The following TFPI variants were observed in gnomAD, a reference collection of about 807,000 sequenced individuals.
TFPI encodes tissue factor pathway inhibitor, also known as anti-convertin.
Under a neutral mutation model 34.6 loss-of-function variants are expected in TFPI, and 15 were observed. The observed-to-expected ratio is 0.43, with a 90% confidence interval of 0.29 to 0.67. The LOEUF (loss-of-function observed/expected upper bound fraction) is 0.67. TFPI is among the 30% of genes least tolerant of loss of function. TFPI has a pLI of 0.15. For missense variants in TFPI, 301 were observed against 364.0 expected (o/e 0.83, Z 1.41); for synonymous variants, 105 against 120.1 (o/e 0.87, Z 0.82).
Position 187,480,028 on chromosome 2 carries a change from A to G in TFPI, c.628+4096T>C, listed in dbSNP as rs924465896. Among the ~76,000 whole-genome samples the G allele has an allele frequency of 4.6e-5, 7 of 152,200 alleles. No homozygotes were observed. In the East Asian group the frequency reaches 7.7e-4, roughly 17 times the overall value. On this transcript the variant is annotated intron_variant, in intron 6 of 7. Coordinates refer to ENST00000233156, the MANE Select transcript of TFPI (RefSeq NM_006287.6). ...AAACATCTTTTGACCTTGAAGCCCCATGATACTCCTCTGTGACAATAATCT... is the reference window on the plus strand; with the variant it reads ...AAACATCTTTTGACCTTGAAGCCCCGTGATACTCCTCTGTGACAATAATCT...
At chr2:187,534,399 A>G (rs950886213) in intron 1 of TFPI, among the ~76,000 whole-genome samples, 3 of 152,210 alleles carry the variant, frequency 2.0e-5, no homozygotes, top group Non-Finnish European at 4.4e-5. Flanking sequence ...GCCAGAAGAG[A>G]GTGGGGGCCA....
At chr2:187,533,212 TGCTAA>T (rs1379018888) in intron 1 of TFPI, among the ~76,000 whole-genome samples, 1 of 152,196 alleles carries the variant, frequency 6.6e-6, no homozygotes, top group Non-Finnish European at 1.5e-5. Flanking sequence ...GTTCGAGCTC[TGCTAA>T]GAGACAGACT....
At chr2:187,536,022 G>T (rs1438754429) in intron 1 of TFPI, among the ~76,000 whole-genome samples, 2 of 152,048 alleles carry the variant, frequency 1.3e-5, no homozygotes, top group Non-Finnish European at 2.9e-5. Flanking sequence ...AACCTCCCAA[G>T]ACTAAACCAG....
chr2:187,484,379 A>T, intron 5 of TFPI, 163 bp from the exon 6 acceptor site: 1 of 606,120 alleles, frequency 1.6e-6, no homozygotes, highest in Non-Finnish European at 2.8e-6. Context: ...TTGTAAGGTA[A>T]TATTTCCATG....
intron 6 of TFPI, among the ~76,000 whole-genome samples, chr2:187,470,898 T>C (rs1227642456): frequency 1.3e-5 from 2 of 152,238 alleles, no homozygotes; most frequent in African/African-American, 4.8e-5. Context: ...TGCTCCTACT[T>C]GTCCATGACT....
At chr2:187,526,100 GA>G in intron 1 of TFPI, among the ~76,000 whole-genome samples, 1 of 152,196 alleles carries the variant, frequency 6.6e-6, no homozygotes, top group East Asian at 1.9e-4. Context: ...AGCAATCCTT[GA>G]AAACCTCTTG....
chr2:187,477,143 T>C (rs1205654361), intron 6 of TFPI, among the ~76,000 whole-genome samples: 1 of 152,168 alleles, frequency 6.6e-6, no homozygotes, highest in Non-Finnish European at 1.5e-5. Context: ...AAGAAAGGGA[T>C]TAGAAAAGTA....
chr2:187,519,056 T>A (rs1281207169), intron 1 of TFPI: 2 of 152,190 alleles, frequency 1.3e-5, no homozygotes, highest in African/African-American at 4.8e-5. Flanking sequence ...ATCTTTTTTT[T>A]AAGATTTTTA....
rs576834980 is a variant in TFPI at position 187,546,874 on chromosome 2, A to G, written c.-3+7326T>C. ...TTAATTTGTTAGTTAAAATCAATCTATTAATTCATAATGAATGGGATATCT... is the reference window on the plus strand; with the variant it reads ...TTAATTTGTTAGTTAAAATCAATCTGTTAATTCATAATGAATGGGATATCT... On this transcript the variant is annotated intron_variant, in intron 1 of 7. Coordinates refer to ENST00000233156, the MANE Select transcript of TFPI (RefSeq NM_006287.6). The G allele has an allele frequency of 4.6e-5, 7 of 152,362 alleles. No homozygotes were observed. In the East Asian group the frequency reaches 1.3e-3, roughly 29 times the overall value. 9.4% of individuals were successfully genotyped at this position (152,362 alleles called of 1,614,324 possible).
At chr2:187,529,852 C>T (rs892259424) in intron 1 of TFPI, among the ~76,000 whole-genome samples, 2 of 152,180 alleles carry the variant, frequency 1.3e-5, no homozygotes, top group African/African-American at 2.4e-5. Context: ...CTTTGATTCT[C>T]TGTTTCTTGC....
intron 1 of TFPI, among the ~76,000 whole-genome samples, chr2:187,533,185 G>A (rs761013970): frequency 2.0e-5 from 3 of 152,136 alleles, no homozygotes; most frequent in Non-Finnish European, 4.4e-5. Context: ...AGCGAGCAGC[G>A]GATATCCCAG....
chr2:187,510,866 G>A (rs963096631), intron 1 of TFPI, among the ~76,000 whole-genome samples: 1 of 152,210 alleles, frequency 6.6e-6, no homozygotes, highest in African/African-American at 2.4e-5. Context: ...TGAGATGCAA[G>A]TCTGCTGAAA....
chr2:187,546,215 A>G (rs1365526536), intron 1 of TFPI, among the ~76,000 whole-genome samples: 1 of 151,956 alleles, frequency 6.6e-6, no homozygotes, highest in East Asian at 1.9e-4. Context: ...ATAGTTGTCC[A>G]TAACTACTAA....
intron 3 of TFPI, among the ~76,000 whole-genome samples, chr2:187,494,041 A>T (rs1685296758): frequency 6.6e-6 from 1 of 152,158 alleles, no homozygotes; most frequent in Non-Finnish European, 1.5e-5. Flanking sequence ...GTACCAATTT[A>T]CTGTGAGCAA....
rs940296536 is a variant in TFPI, at chr2:187,485,204, T to A, written c.359-217A>T. 2.0e-5 allele frequency among the ~76,000 whole-genome samples: 3 copies of A among 151,948 alleles called. No homozygotes were observed. In the South Asian group the frequency reaches 6.2e-4, roughly 31 times the overall value. On this transcript the variant is annotated intron_variant, in intron 4 of 7. Transcript: ENST00000233156. ...TTCTAAATTTCTCATAGTAAATTAA[T>A]AGGGAATTAACTGTCATTTTTTTAC...
rs544727831 is a variant in TFPI, at chr2:187,497,289, A to G, written c.122-211T>C. ...ACTTCTAGACTCTTGTTAGGGAGGT[A>G]TTGCTTAAATCGTACCAACCGAACT... On this transcript the variant is annotated intron_variant, in intron 2 of 7. Transcript: ENST00000233156. Among the ~76,000 whole-genome samples the G allele has an allele frequency of 2.0e-5, 3 of 152,174 alleles. 1 individual carries two copies. In the South Asian group the frequency reaches 6.2e-4, roughly 32 times the overall value.
chr2:187,483,546 C>T (rs1693036329), intron 6 of TFPI, among the ~76,000 whole-genome samples: 1 of 151,908 alleles, frequency 6.6e-6, no homozygotes, highest in Admixed American at 6.6e-5. Flanking sequence ...TTTCTCAGCT[C>T]TGCATTTTGT....
intron 2 of TFPI, 45 bp downstream of exon 2, chr2:187,503,603 A>C: frequency 6.3e-7 from 1 of 1,578,166 alleles, no homozygotes; most frequent in Non-Finnish European, 8.6e-7. Flanking sequence ...ATTAAAATTG[A>C]GAGCTTTAAC....
At chr2:187,502,470 C>A (rs1685915270) in intron 2 of TFPI, among the ~76,000 whole-genome samples, 1 of 152,140 alleles carries the variant, frequency 6.6e-6, no homozygotes, top group Non-Finnish European at 1.5e-5. Context: ...AGAATTTTAA[C>A]CCACCACCTT....
Sources: gnomAD v4.1 joint callset for allele counts (sites outside exome capture counted in the v4.1 genomes callset) on GRCh38, gnomAD v4.1.1 for gene constraint, MANE v1.5 for transcripts, NCBI Gene and HGNC (gene_info 2026-07-23, HGNC 2026-07-21) for gene names.